Variants in KAZN observed in about 807,000 individuals in gnomAD.
KAZN encodes the protein kazrin, periplakin interacting protein.
KAZN carries 40 observed loss-of-function variants against 87.4 expected under a neutral mutation model. That is an observed-to-expected ratio of 0.46 (90% CI 0.36 to 0.60). The LOEUF is 0.60. Ranked by LOEUF, KAZN falls within the 20% of genes least tolerant of loss-of-function variation. KAZN has a pLI of 0.00. For synonymous variants in KAZN, 466 were observed against 458.3 expected, an observed-to-expected ratio of 1.02 and a Z score of -0.22; for missense variants, 898 against 1,073.9, an observed-to-expected ratio of 0.84 and a Z score of 2.29.
At chr1:14,917,420 C>T (rs542909036) in intron 1 of KAZN, among the ~76,000 whole-genome samples, 11 of 152,258 alleles carry the variant, frequency 7.2e-5, no homozygotes, top group Non-Finnish European at 1.5e-4. Flanking sequence ...CAGGAGTGGA[C>T]GGAGATGACA....
intron 2 of KAZN, among the ~76,000 whole-genome samples, chr1:14,487,742 G>A (rs974979179): frequency 6.6e-6 from 1 of 152,240 alleles, no homozygotes; most frequent in Admixed American, 6.5e-5. Context: ...CTGAGGTGGT[G>A]GCAGTGCTGG....
intron 2 of KAZN, among the ~76,000 whole-genome samples, chr1:14,540,668 C>T (rs1424836063): frequency 3.3e-5 from 5 of 152,108 alleles, no homozygotes; most frequent in African/African-American, 4.8e-5. Context: ...CCAAGTAAGC[C>T]AAGTCTGTGG....
At chr1:14,372,099 C>G (rs1421134446) in intron 2 of KAZN, among the ~76,000 whole-genome samples, 2 of 152,146 alleles carry the variant, frequency 1.3e-5, no homozygotes, top group African/African-American at 2.4e-5. Context: ...AAGTTCATAA[C>G]AAGTAAAAGG....
At chr1:14,338,813 T>A (rs1657471553) in intron 2 of KAZN, among the ~76,000 whole-genome samples, 1 of 152,222 alleles carries the variant, frequency 6.6e-6, no homozygotes, top group African/African-American at 2.4e-5. Flanking sequence ...ATAAGTGAGA[T>A]GAAAAATGTC....
At chr1:14,109,679 C>A (rs1400494893) in intron 1 of KAZN, among the ~76,000 whole-genome samples, 2 of 152,168 alleles carry the variant, frequency 1.3e-5, no homozygotes, top group Non-Finnish European at 2.9e-5. Flanking sequence ...ATTTGCACGG[C>A]CCAGCGTGAA....
At chr1:13,948,943 G>A (rs746007317) in intron 1 of KAZN, among the ~76,000 whole-genome samples, 4 of 152,124 alleles carry the variant, frequency 2.6e-5, no homozygotes, top group Non-Finnish European at 5.9e-5. Flanking sequence ...AGGCAAAATC[G>A]TGACTGGACT....
rs150494067 is a variant in KAZN, at chr1:14,529,353, G to A, written c.250-69630G>A. Among the ~76,000 whole-genome samples, 424 of 152,240 alleles carry A rather than the reference G, an allele frequency of 2.8e-3. 5 individuals are homozygous for A. In the South Asian group the frequency reaches 0.033, roughly 12 times the overall value. On this transcript the variant is annotated intron_variant, in intron 2 of 16. Coordinates refer to the KAZN transcript ENST00000636203. The stretch of plus-strand genomic sequence containing the variant: ...GTGCTTTCTTGTACATTACCATCCC[G>A]CTATCCAATGGAAGCATCATGTGTC...
At position 14,100,361 on chromosome 1, in the gene KAZN, C is replaced by T. The variant is rs151049661; in HGVS notation, c.92-80074C>T. On this transcript the variant is annotated intron_variant, in intron 1 of 16. Coordinates refer to the KAZN transcript ENST00000636203. ...GTTAGGAGGTCCCCAGGACCACCCC[C>T]AAGTGCAGTGGTTTCCAGGTGGACT... 6.2e-3 allele frequency among the ~76,000 whole-genome samples: 947 copies of T among 152,290 alleles called. 12 individuals are homozygous for T. Among genetic ancestry groups the T allele is most frequent in the African/African-American group, 0.022 (908 of 41,566 alleles).
chr1:13,939,787 G>A (rs936472384), intron 1 of KAZN, among the ~76,000 whole-genome samples: 2 of 152,094 alleles, frequency 1.3e-5, no homozygotes, highest in African/African-American at 4.8e-5. Flanking sequence ...TGGCTTCTGG[G>A]GAGGCCTCAG....
chr1:14,875,401 A>AT (rs1346293900), intron 1 of KAZN, among the ~76,000 whole-genome samples: 1 of 140,226 alleles, frequency 7.1e-6, no homozygotes, highest in Non-Finnish European at 1.5e-5. Flanking sequence ...TTATGGGTTT[A>AT]TTTGGTTGTT....
chr1:14,324,189 C>T (rs1337111579), intron 2 of KAZN, among the ~76,000 whole-genome samples: 1 of 152,204 alleles, frequency 6.6e-6, no homozygotes, highest in African/African-American at 2.4e-5. Context: ...ACGTGGATCA[C>T]TATCTCCCTA....
At chr1:14,119,090 T>C (rs1017715572) in intron 1 of KAZN, among the ~76,000 whole-genome samples, 3 of 152,100 alleles carry the variant, frequency 2.0e-5, no homozygotes, top group African/African-American at 7.2e-5. Flanking sequence ...ATTCTGAATC[T>C]TTTTCAGAGA....
intron 2 of KAZN, among the ~76,000 whole-genome samples, chr1:14,466,555 A>G (rs1668142368): frequency 6.6e-6 from 1 of 151,762 alleles, no homozygotes; most frequent in African/African-American, 2.4e-5. Flanking sequence ...TGGGCTTGAC[A>G]CCTAGGTGAT....
chr1:14,992,748 A>T (rs981349824), intron 2 of KAZN, among the ~76,000 whole-genome samples: 2 of 151,950 alleles, frequency 1.3e-5, no homozygotes, highest in African/African-American at 4.8e-5. Flanking sequence ...GGTTCGAGCG[A>T]TTCTCCTGCC....
chr1:15,068,007 A>G, intron 8 of KAZN: 2 of 799,032 alleles, frequency 2.5e-6, no homozygotes, highest in Non-Finnish European at 3.0e-6. Context: ...AGGATGATTT[A>G]TTTAAGAGAA....
chr1:14,327,846 A>G lies in KAZN; in HGVS notation c.249+147254A>G, dbSNP rs182700712. ...GGGAAAGGATCCCCTTTCACAGACCATGGAAAAATAATTCTGCCTACATGA... is the reference window on the plus strand; with the variant it reads ...GGGAAAGGATCCCCTTTCACAGACCGTGGAAAAATAATTCTGCCTACATGA... On this transcript the variant is annotated intron_variant, in intron 2 of 16. Transcript: ENST00000636203. Among the ~76,000 whole-genome samples, 10 of 152,310 alleles carry G rather than the reference A, an allele frequency of 6.6e-5. No homozygotes were observed. In the East Asian group the frequency reaches 1.9e-3, roughly 29 times the overall value.
chr1:13,976,490 A>G (rs1175057435), intron 1 of KAZN, among the ~76,000 whole-genome samples: 1 of 151,856 alleles, frequency 6.6e-6, no homozygotes, highest in Non-Finnish European at 1.5e-5. Context: ...GAAAGCCATC[A>G]TATTAAAAAT....
intron 14 of KAZN, chr1:15,114,195 C>A: frequency 3.1e-6 from 1 of 321,590 alleles, no homozygotes. Context: ...TTTTGTGAAT[C>A]AGGAATAATC....
At chr1:14,917,175 G>A (rs187970295) in intron 1 of KAZN, among the ~76,000 whole-genome samples, 25 of 152,276 alleles carry the variant, frequency 1.6e-4, no homozygotes, top group Non-Finnish European at 3.2e-4. Flanking sequence ...CTCTAGCCTC[G>A]CCAGGACAGA....
Sources: gnomAD v4.1 joint callset for allele counts (sites outside exome capture counted in the v4.1 genomes callset) on GRCh38, gnomAD v4.1.1 for gene constraint, MANE v1.5 for transcripts, NCBI Gene and HGNC (gene_info 2026-07-23, HGNC 2026-07-21) for gene names.